Variants in NAV2 observed in about 807,000 individuals in gnomAD.
The protein encoded by NAV2 is neuron navigator 2.
In NAV2, 54 loss-of-function variants were observed where a neutral mutation model predicts 223.2. The ratio of observed to expected loss-of-function variants is 0.24; its 90% CI spans 0.19 to 0.30. The LOEUF is 0.30. Ranked by LOEUF, NAV2 falls within the 10% of genes least tolerant of loss-of-function variation. The pLI is 1.00. For synonymous variants in NAV2, 1,279 were observed against 1,239.3 expected (o/e 1.03, Z -0.67); for missense variants, 2,806 against 3,147.5 (o/e 0.89, Z 2.60).
At chr11:19,491,228 C>T (rs183198178) in intron 1 of NAV2, among the ~76,000 whole-genome samples, 10 of 152,230 alleles carry the variant, frequency 6.6e-5, no homozygotes, top group African/African-American at 2.4e-4. Context: ...TATATGAACT[C>T]TTCACAAGAG....
intron 31 of NAV2, among the ~76,000 whole-genome samples, chr11:20,099,709 T>C (rs2061499530): frequency 6.6e-6 from 1 of 152,114 alleles, no homozygotes; most frequent in African/African-American, 2.4e-5. Context: ...GGGAAGGGGG[T>C]TTGACTTTGC....
At chr11:20,063,177 G>T (rs921917302) in intron 20 of NAV2, among the ~76,000 whole-genome samples, 3 of 152,282 alleles carry the variant, frequency 2.0e-5, no homozygotes, top group East Asian at 3.9e-4. Flanking sequence ...TATTTTTTAA[G>T]TAGGTTTGAA....
chr11:19,925,598 A>T (rs1180378792), intron 6 of NAV2, among the ~76,000 whole-genome samples: 1 of 152,106 alleles, frequency 6.6e-6, no homozygotes, highest in Non-Finnish European at 1.5e-5. Context: ...AAAATACAAA[A>T]ATTAGCCGAG....
At chr11:19,427,210 G>C (rs967950411) in intron 1 of NAV2, among the ~76,000 whole-genome samples, 3 of 152,196 alleles carry the variant, frequency 2.0e-5, no homozygotes, top group Non-Finnish European at 4.4e-5. Context: ...TGGCTACTCT[G>C]AGTCTCTTTC....
intron 1 of NAV2, among the ~76,000 whole-genome samples, chr11:19,568,720 T>G (rs2045342227): frequency 6.6e-6 from 1 of 152,184 alleles, no homozygotes. Flanking sequence ...GCCCAAGGTC[T>G]TAGTTACATA....
At chr11:19,942,057 C>T (rs1342891167) in intron 8 of NAV2, among the ~76,000 whole-genome samples, 1 of 152,174 alleles carries the variant, frequency 6.6e-6, no homozygotes, top group Non-Finnish European at 1.5e-5. Context: ...TGAGGTAGAG[C>T]CCTCCTTGGC....
chr11:19,913,640 C>T (rs746782735), intron 6 of NAV2, among the ~76,000 whole-genome samples: 2 of 152,132 alleles, frequency 1.3e-5, no homozygotes, highest in Non-Finnish European at 2.9e-5. Context: ...GATGAGACTT[C>T]GAGGCACAGA....
upstream of NAV2, among the ~76,000 whole-genome samples, chr11:19,349,529 CCGCAG>C (rs1853179433): frequency 2.0e-5 from 3 of 152,174 alleles, no homozygotes; most frequent in Admixed American, 6.5e-5. Context: ...CCGGATCTGG[CCGCAG>C]CTCTCCCGGA....
At chr11:19,454,275 G>A (rs1346941607) in intron 1 of NAV2, among the ~76,000 whole-genome samples, 1 of 152,210 alleles carries the variant, frequency 6.6e-6, no homozygotes, top group Admixed American at 6.5e-5. Flanking sequence ...TGTCTGCAGA[G>A]GGAAAGCAGT....
At chr11:19,598,956 C>G (rs1332937842) in intron 1 of NAV2, among the ~76,000 whole-genome samples, 1 of 152,158 alleles carries the variant, frequency 6.6e-6, no homozygotes, top group African/African-American at 2.4e-5. Context: ...AAAGCTTCCC[C>G]CCATTTGAAA....
intron 11 of NAV2, among the ~76,000 whole-genome samples, chr11:20,031,984 G>A (rs1394548048): frequency 2.6e-5 from 4 of 152,136 alleles, no homozygotes; most frequent in Non-Finnish European, 4.4e-5. Context: ...GAATACATCT[G>A]CAAACTCACT....
At chr11:19,560,435 T>C (rs992440527) in intron 1 of NAV2, among the ~76,000 whole-genome samples, 3 of 152,190 alleles carry the variant, frequency 2.0e-5, no homozygotes, top group African/African-American at 4.8e-5. Context: ...GGCACTTTAA[T>C]TGGAGTCTCT....
chr11:20,068,137 T>C (rs1203096843), intron 20 of NAV2, 49 bp from the exon 21 acceptor site: 1 of 1,564,858 alleles, frequency 6.4e-7, no homozygotes, highest in East Asian at 2.2e-5. Flanking sequence ...TGGACTACAC[T>C]ATTCTTTGTT....
chr11:19,348,878 A>G (rs142308827), upstream of NAV2, among the ~76,000 whole-genome samples: 1,561 of 152,278 alleles, frequency 0.01, 34 homozygotes, highest in African/African-American at 0.035. Flanking sequence ...TTTTAGTTTG[A>G]GGTTTCAATT....
chr11:19,826,825 G>A (rs536003592), intron 1 of NAV2, among the ~76,000 whole-genome samples: 128 of 152,334 alleles, frequency 8.4e-4, no homozygotes, highest in Non-Finnish European at 3.5e-4. Flanking sequence ...CATCATGTAA[G>A]TCTCAAGTGT....
intron 5 of NAV2, among the ~76,000 whole-genome samples, chr11:19,886,682 A>T (rs2041010261): frequency 6.6e-6 from 1 of 152,142 alleles, no homozygotes; most frequent in Non-Finnish European, 1.5e-5. Flanking sequence ...CTAGCTGGGG[A>T]AATATCTAAT....
At chr11:20,075,129 T>C (rs1421278560) in intron 22 of NAV2, among the ~76,000 whole-genome samples, 2 of 152,194 alleles carry the variant, frequency 1.3e-5, no homozygotes, top group Non-Finnish European at 2.9e-5. Context: ...TGATTGGCTT[T>C]TGTTTTGCCA....
At chr11:19,714,185 C>G (rs1261991693) in intron 1 of NAV2, 1 of 706,256 alleles carries the variant, frequency 1.4e-6, no homozygotes, top group Non-Finnish European at 2.5e-6. Flanking sequence ...TCTTCGAGAC[C>G]TGGGATGGCG....
chr11:19,384,670 A>C (rs1848966263), intron 1 of NAV2: 1 of 152,084 alleles, frequency 6.6e-6, no homozygotes. Flanking sequence ...TATCCTGTAC[A>C]CTCTCCAGGT....
Sources: gnomAD v4.1 joint callset for allele counts (sites outside exome capture counted in the v4.1 genomes callset) on GRCh38, gnomAD v4.1.1 for gene constraint, MANE v1.5 for transcripts, NCBI Gene and HGNC (gene_info 2026-07-23, HGNC 2026-07-21) for gene names.